The following PES1 variants were observed in gnomAD, a reference collection of about 807,000 sequenced individuals.
PES1 encodes pescadillo ribosomal biogenesis factor 1, also known as pescadillo homolog.
PES1 carries 31 observed loss-of-function variants against 77.1 expected under a neutral mutation model. That is an observed-to-expected ratio of 0.40 (90% CI 0.30 to 0.54). The LOEUF (loss-of-function observed/expected upper bound fraction) is 0.54. PES1 is among the 20% of genes least tolerant of loss of function. The pLI is 0.45. For synonymous variants in PES1, 282 were observed against 303.0 expected (o/e 0.93, Z 0.72); for missense variants, 658 against 771.7 (o/e 0.85, Z 1.75).
chr22:30,588,009 C>G lies in PES1; in HGVS notation c.258+12G>C. Reference sequence around the variant, plus strand: ...GATGAGAACCTGACAGACCCTAGAGCCCAGACCTCACCTTGTATTCACGGA... The same window carrying G: ...GATGAGAACCTGACAGACCCTAGAGGCCAGACCTCACCTTGTATTCACGGA... On this transcript the variant is annotated intron_variant, in intron 3 of 14. Transcript: ENST00000354694. The G allele has an allele frequency of 6.2e-7, 1 of 1,613,056 alleles. No homozygotes were observed. Among genetic ancestry groups the G allele is most frequent in the Non-Finnish European group, 8.5e-7 (1 of 1,179,900 alleles).
intron 1 of PES1, chr22:30,605,614 A>C (rs1407863194): frequency 3.4e-6 from 1 of 295,574 alleles, no homozygotes; most frequent in Non-Finnish European, 5.0e-6. Flanking sequence ...TCCATTGCAC[A>C]CACTTCACCA....
intron 2 of PES1, 116 bp from the exon 3 acceptor site, chr22:30,588,290 A>T: frequency 8.7e-7 from 1 of 1,150,332 alleles, no homozygotes; most frequent in South Asian, 1.4e-5. Flanking sequence ...CTGCCCTTAG[A>T]GACCTCACAT....
Position 30,580,195 on chromosome 22 carries a change from A to G in PES1, c.1044-17T>C, listed in dbSNP as rs1949627380. The G allele has an allele frequency of 6.2e-7, 1 of 1,603,616 alleles. No homozygotes were observed. The highest frequency in any genetic ancestry group is 1.7e-5 in the Admixed American group (1 of 58,742). On this transcript the variant is annotated splice_polypyrimidine_tract_variant and intron_variant, in intron 10 of 14. Transcript: ENST00000354694. ...CCAAAACTCCTACAGGGACAGGGAG[A>G]GCCCACACGGGTACACAGACATGAG...
rs755424932 is a variant in PES1, at chr22:30,578,981, T to G, written c.1539A>C (p.Ala513=). The G allele has an allele frequency of 6.2e-7, 1 of 1,611,632 alleles. No homozygotes were observed. Among genetic ancestry groups the G allele is most frequent in the Non-Finnish European group, 8.5e-7 (1 of 1,180,012 alleles). ...GCTTATCCTCCAGCTTCAAGGTGCC[T>G]GCCATCACCCTGGGCTTCTGGGGAC... ...RMEGKKPRVM[A]GTLKLEDKQR... The change falls in exon 14 of 15, where the codon GCA becomes GCC. Residue 513 remains alanine, a synonymous_variant. Coordinates refer to ENST00000354694, the MANE Select transcript of PES1 (RefSeq NM_014303.4).
rs2086959492 is a variant in PES1 at position 30,580,068 on chromosome 22, G to A, written c.1154C>T (p.Thr385Ile). 1 of 1,614,062 alleles carries A rather than the reference G, an allele frequency of 6.2e-7. No individual in the cohort carries two copies. The highest frequency in any genetic ancestry group is 8.5e-7 in the Non-Finnish European group (1 of 1,179,970). Residue 385 changes from threonine (T) to isoleucine (I), a missense_variant, in exon 11 of 15, where the codon ACC becomes ATC. Physicochemically the swap from Thr to Ile is moderately conservative, Grantham distance 89. Coordinates refer to ENST00000354694, the MANE Select transcript of PES1 (RefSeq NM_014303.4). ...GAGGGCCTACCTGCCAATGACTGAGGTCTGCTGCCCAGGCCGGTCGACAAT... is the reference window on the plus strand; with the variant it reads ...GAGGGCCTACCTGCCAATGACTGAGATCTGCTGCCCAGGCCGGTCGACAAT... ...HQIVDRPGQQ[T>I]SVIGRCYVQP...
At chr22:30,604,367 T>C (rs1212046641) in intron 2 of PES1, among the ~76,000 whole-genome samples, 1 of 152,220 alleles carries the variant, frequency 6.6e-6, no homozygotes, top group African/African-American at 2.4e-5. Flanking sequence ...GCGCGCTGGC[T>C]CATGCCTGTA....
chr22:30,598,833 G>T (rs34236034), intron 2 of PES1, among the ~76,000 whole-genome samples: 1 of 142,842 alleles, frequency 7.0e-6, no homozygotes, highest in African/African-American at 2.6e-5. Context: ...ATAAATACTC[G>T]TAAATTAAGA....
At chr22:30,578,774 G>A in intron 14 of PES1, 63 bp downstream of exon 14, 1 of 1,557,604 alleles carries the variant, frequency 6.4e-7, no homozygotes, top group Non-Finnish European at 8.8e-7. Context: ...AGCCACATAA[G>A]TTCACCTGTG....
At chr22:30,597,027 C>T (rs897201382) in intron 2 of PES1, among the ~76,000 whole-genome samples, 7 of 152,194 alleles carry the variant, frequency 4.6e-5, no homozygotes, top group African/African-American at 9.6e-5. Context: ...GCGGAGAGTG[C>T]GCCAGGTTCC....
chr22:30,588,787 GAAA>G (rs76819746), intron 2 of PES1, among the ~76,000 whole-genome samples: 2 of 137,928 alleles, frequency 1.5e-5, no homozygotes, highest in East Asian at 4.1e-4. Flanking sequence ...TGTCTCCGGG[GAAA>G]AAAAAAAAAA....
chr22:30,606,756 A>C (rs1227443164), intron 1 of PES1: 10 of 496,908 alleles, frequency 2.0e-5, no homozygotes, highest in Non-Finnish European at 2.4e-5. Flanking sequence ...CCCTCCCGCC[A>C]CAACTGAGGG....
exon 1 of PES1, chr22:30,606,913 C>T: frequency 9.4e-7 from 1 of 1,067,546 alleles, no homozygotes; most frequent in Non-Finnish European, 1.1e-6. Context: ...CCCGGTCCTG[C>T]CAATCCACCA....
intron 2 of PES1, among the ~76,000 whole-genome samples, chr22:30,603,341 C>A (rs2087387167): frequency 6.6e-6 from 1 of 151,932 alleles, no homozygotes; most frequent in Non-Finnish European, 1.5e-5. Context: ...TTGCTTTCTC[C>A]TCCTCTTCCT....
chr22:30,598,458 C>A (rs1297375518), intron 2 of PES1: 1 of 152,052 alleles, frequency 6.6e-6, no homozygotes, highest in African/African-American at 2.4e-5. Flanking sequence ...ATTATTTTTT[C>A]ACTCTGTTTA....
At chr22:30,577,422 G>A (rs938150516) in intron 14 of PES1, among the ~76,000 whole-genome samples, 1 of 152,234 alleles carries the variant, frequency 6.6e-6, no homozygotes, top group Non-Finnish European at 1.5e-5. Flanking sequence ...AAAGCTGGAT[G>A]CCACTAGAAC....
chr22:30,597,432 A>G (rs2087271941), intron 2 of PES1, among the ~76,000 whole-genome samples: 1 of 151,596 alleles, frequency 6.6e-6, no homozygotes, highest in Non-Finnish European at 1.5e-5. Context: ...CACACCAATC[A>G]GCACCCTGTG....
At chr22:30,590,361 T>G (rs537043178) in intron 1 of PES1, among the ~76,000 whole-genome samples, 34 of 152,354 alleles carry the variant, frequency 2.2e-4, no homozygotes, top group African/African-American at 6.7e-4. Flanking sequence ...AGCAGGGGCC[T>G]CTTTGGCTAG....
exon 2 of PES1, chr22:30,605,473 A>AT (rs1316124835): frequency 1.0e-6 from 1 of 985,318 alleles, no homozygotes; most frequent in Non-Finnish European, 1.2e-6. Context: ...GAGGCTGACG[A>AT]TAACGAAGGC....
Position 30,578,930 on chromosome 22 carries a change from A to G in PES1, c.1590T>C (p.Ser530=). Residue 530 remains serine (S), a synonymous_variant, in exon 14 of 15, where the codon AGT becomes AGC. Coordinates refer to ENST00000354694, the MANE Select transcript of PES1 (RefSeq NM_014303.4). ...TCATAATGGCCAGGCGCTTGGCCTC[A>G]CTCTCCTCCTCCTGGGCCAGCCGCT... ...DKQRLAQEEE[S]EAKRLAIMMM... The G allele has an allele frequency of 3.7e-6, 6 of 1,612,814 alleles. 1 individual carries two copies. Among genetic ancestry groups the G allele is most frequent in the Non-Finnish European group, 3.4e-6 (4 of 1,179,820 alleles).
Sources: allele counts gnomAD v4.1 joint callset (sites outside exome capture counted in the v4.1 genomes callset), GRCh38; gene constraint gnomAD v4.1.1; transcripts MANE v1.5; gene names NCBI Gene and HGNC (gene_info 2026-07-23, HGNC 2026-07-21).